PDE4B: variants seen among roughly 807,000 people sequenced by gnomAD.
PDE4B encodes phosphodiesterase 4B.
PDE4B carries 20 observed loss-of-function variants against 82.2 expected under a neutral mutation model. The observed-to-expected ratio is 0.24, with a 90% CI of 0.17 to 0.35. PDE4B has a LOEUF of 0.35. Ranked by LOEUF, PDE4B falls within the 10% of genes least tolerant of loss-of-function variation. The pLI is 1.00. For missense variants in PDE4B, 655 were observed against 907.2 expected, an observed-to-expected ratio of 0.72 and a Z score of 3.57; for synonymous variants, 320 against 318.9, an observed-to-expected ratio of 1.00 and a Z score of -0.04.
chr1:66,314,402 T>A (rs1658875160), intron 7 of PDE4B, among the ~76,000 whole-genome samples: 1 of 152,078 alleles, frequency 6.6e-6, no homozygotes, highest in Non-Finnish European at 1.5e-5. Flanking sequence ...CTGTTTTTTG[T>A]TTTTGTTTTG....
At chr1:65,871,063 G>A (rs1002082548) in intron 1 of PDE4B, among the ~76,000 whole-genome samples, 1 of 152,190 alleles carries the variant, frequency 6.6e-6, no homozygotes, top group Admixed American at 6.5e-5. Flanking sequence ...TCCAGGGACA[G>A]GGGATGATGA....
intron 1 of PDE4B, among the ~76,000 whole-genome samples, chr1:65,836,059 G>A (rs1570993650): frequency 6.6e-6 from 1 of 151,770 alleles, no homozygotes; most frequent in African/African-American, 2.4e-5. Flanking sequence ...CTCCTGCCTC[G>A]GCCTCCAGAG....
chr1:66,175,867 A>G (rs193071675), intron 3 of PDE4B, among the ~76,000 whole-genome samples: 39 of 152,372 alleles, frequency 2.6e-4, no homozygotes, highest in African/African-American at 9.1e-4. Context: ...AGGGTACAAA[A>G]TAAGTGTGGT....
intron 3 of PDE4B, among the ~76,000 whole-genome samples, chr1:65,994,271 G>T (rs114871011): frequency 1.3e-5 from 2 of 152,024 alleles, no homozygotes; most frequent in Non-Finnish European, 2.9e-5. Context: ...TTAAAGTTAC[G>T]CCTAGAAATA....
chr1:66,113,371 A>G (rs1404150222), intron 3 of PDE4B, among the ~76,000 whole-genome samples: 3 of 152,234 alleles, frequency 2.0e-5, no homozygotes, highest in Non-Finnish European at 4.4e-5. Context: ...TTATAAAACA[A>G]AAATGGGTTT....
chr1:65,847,052 C>T (rs990661002), intron 1 of PDE4B, among the ~76,000 whole-genome samples: 5 of 152,178 alleles, frequency 3.3e-5, no homozygotes, highest in Non-Finnish European at 5.9e-5. Context: ...AACCTGTTTT[C>T]TGCTAACAGT....
intron 3 of PDE4B, among the ~76,000 whole-genome samples, chr1:66,179,585 A>G (rs1647017423): frequency 6.6e-6 from 1 of 152,254 alleles, no homozygotes; most frequent in African/African-American, 2.4e-5. Context: ...TGAATTTGCA[A>G]TGTGTAGGAT....
chr1:66,071,953 G>A (rs1280559934), intron 3 of PDE4B, among the ~76,000 whole-genome samples: 1 of 152,000 alleles, frequency 6.6e-6, no homozygotes, highest in African/African-American at 2.4e-5. Context: ...AAAGAGCCTA[G>A]GTGACATGCT....
At chr1:66,225,192 G>A (rs1040834733) in intron 3 of PDE4B, among the ~76,000 whole-genome samples, 4 of 152,116 alleles carry the variant, frequency 2.6e-5, no homozygotes, top group African/African-American at 9.7e-5. Flanking sequence ...TCCAGTTACT[G>A]TGTCATGTCT....
intron 3 of PDE4B, among the ~76,000 whole-genome samples, chr1:66,159,303 C>T (rs910144830): frequency 5.3e-5 from 8 of 150,592 alleles, no homozygotes; most frequent in East Asian, 3.9e-4. Context: ...AGTGTAGTGG[C>T]GCATTCTTGG....
intron 3 of PDE4B, among the ~76,000 whole-genome samples, chr1:66,186,562 G>T (rs1647220826): frequency 6.6e-6 from 1 of 152,164 alleles, no homozygotes; most frequent in South Asian, 2.1e-4. Context: ...TCCCTTATAA[G>T]TTGGATTCCT....
chr1:65,852,874 T>C (rs1037638506), intron 1 of PDE4B, among the ~76,000 whole-genome samples: 4 of 149,306 alleles, frequency 2.7e-5, no homozygotes, highest in Non-Finnish European at 4.5e-5. Flanking sequence ...TCATTGGGTG[T>C]ACATTTTATA....
chr1:66,233,164 C>CCTAT (rs1181245233), intron 3 of PDE4B, among the ~76,000 whole-genome samples: 3 of 152,134 alleles, frequency 2.0e-5, no homozygotes, highest in Admixed American at 2.0e-4. Flanking sequence ...CAGGAAACTA[C>CCTAT]CTATCTTCTT....
chr1:65,991,688 A>G (rs1651253076), intron 3 of PDE4B, among the ~76,000 whole-genome samples: 1 of 152,206 alleles, frequency 6.6e-6, no homozygotes, highest in African/African-American at 2.4e-5. Context: ...GTTAGGTTAC[A>G]GTGATCTGCT....
At chr1:65,904,397 CT>C (rs538454284) in intron 1 of PDE4B, among the ~76,000 whole-genome samples, 25 of 152,172 alleles carry the variant, frequency 1.6e-4, no homozygotes, top group African/African-American at 5.1e-4. Context: ...AATTATTATG[CT>C]TTTTAAGTTA....
At chr1:65,851,443 C>T (rs776814785) in intron 1 of PDE4B, among the ~76,000 whole-genome samples, 1 of 151,934 alleles carries the variant, frequency 6.6e-6, no homozygotes, top group Non-Finnish European at 1.5e-5. Flanking sequence ...CTAACGTGAA[C>T]AATCTTAGTC....
chr1:66,298,959 G>C (rs1407289604), intron 7 of PDE4B, among the ~76,000 whole-genome samples: 1 of 151,994 alleles, frequency 6.6e-6, no homozygotes, highest in Non-Finnish European at 1.5e-5. Flanking sequence ...ACACCAAATA[G>C]TTGTATATAT....
chr1:66,356,563 GC>G (rs1374557489), intron 9 of PDE4B, among the ~76,000 whole-genome samples: 3 of 152,324 alleles, frequency 2.0e-5, no homozygotes, highest in African/African-American at 7.2e-5. Flanking sequence ...GCTGAACACT[GC>G]ATCCTCTCTT....
intron 3 of PDE4B, among the ~76,000 whole-genome samples, chr1:66,077,111 T>C (rs1445458872): frequency 6.6e-6 from 1 of 152,136 alleles, no homozygotes; most frequent in East Asian, 1.9e-4. Flanking sequence ...GAAGGGTATT[T>C]CCTAGGTTTT....
Sources: gnomAD v4.1 joint callset for allele counts (sites outside exome capture counted in the v4.1 genomes callset) on GRCh38, gnomAD v4.1.1 for gene constraint, MANE v1.5 for transcripts, NCBI Gene and HGNC (gene_info 2026-07-23, HGNC 2026-07-21) for gene names.